SIK3: variants seen among roughly 807,000 people sequenced by gnomAD.
SIK3 encodes the protein serine/threonine-protein kinase SIK3.
In SIK3, 28 loss-of-function variants were observed where a neutral mutation model predicts 144.2. That is an observed-to-expected ratio of 0.19 (90% CI 0.14 to 0.27). The LOEUF is 0.27. Among genes scored for constraint, SIK3 ranks in the 10% least tolerant of loss-of-function variants. The probability of loss-of-function intolerance (pLI) is 1.00; values close to 1 mark genes in which losing one functional copy is unlikely to be tolerated. For synonymous variants in SIK3, 686 were observed against 676.3 expected (o/e 1.01, Z -0.22); for missense variants, 1,319 against 1,776.0 (o/e 0.74, Z 4.62).
chr11:117,019,225 GCC>G (rs1268011449), intron 1 of SIK3, among the ~76,000 whole-genome samples: 7 of 151,708 alleles, frequency 4.6e-5, no homozygotes, highest in South Asian at 2.1e-4. Flanking sequence ...TCACCGTGTT[GCC>G]CAGGCTGGTC....
intron 1 of SIK3, among the ~76,000 whole-genome samples, chr11:117,078,344 C>T (rs1565622237): frequency 6.6e-6 from 1 of 151,972 alleles, no homozygotes; most frequent in Non-Finnish European, 1.5e-5. Context: ...ATACTGCATG[C>T]CACAGGAAGG....
intron 19 of SIK3, among the ~76,000 whole-genome samples, chr11:116,860,088 T>TA (rs1259596867): frequency 6.6e-6 from 1 of 151,918 alleles, no homozygotes; most frequent in Non-Finnish European, 1.5e-5. Flanking sequence ...CTACTAAAAA[T>TA]ACAAAAATTA....
intron 1 of SIK3, among the ~76,000 whole-genome samples, chr11:116,973,721 T>C (rs1949845916): frequency 6.6e-6 from 1 of 152,190 alleles, no homozygotes; most frequent in Admixed American, 6.5e-5. Context: ...TGGTATGATG[T>C]GATGAAAATG....
chr11:116,846,401 C>G lies in SIK3; in HGVS notation c.4105G>C (p.Val1369Leu). Residue 1369 changes from valine to leucine, a missense_variant, in exon 24 of 25, where the codon GTG becomes CTG. Val to Leu is a conservative substitution (Grantham distance 32, BLOSUM62 1). Around this residue, in one of 8 missense-constraint regions of SIK3, gnomAD observed 646 missense variants for 763.7 expected, o/e 0.85. Transcript: ENST00000445177. This position sits in a 1 kb window ranked among gnomAD's most constrained non-coding sequence, Gnocchi z 4.1. Reference sequence around the variant, plus strand: ...CACTCACTCTCTGTTTCTTGTTACACGCCTGCCTGCTCCATGCTGAAGGAG... The same window carrying G: ...CACTCACTCTCTGTTTCTTGTTACAGGCCTGCCTGCTCCATGCTGAAGGAG... ...EVSFSMEQAGV is the reference protein window; with the variant it reads ...EVSFSMEQAGL 1 of 1,614,016 alleles carries G rather than the reference C, an allele frequency of 6.2e-7. No homozygotes were observed. The highest frequency in any genetic ancestry group is 8.5e-7 in the Non-Finnish European group (1 of 1,179,970).
chr11:117,024,137 C>T (rs544857859), intron 1 of SIK3, among the ~76,000 whole-genome samples: 2 of 152,204 alleles, frequency 1.3e-5, no homozygotes, highest in African/African-American at 4.8e-5. Context: ...CCTCTAAAAA[C>T]AAGGGTACAT....
At chr11:116,931,707 T>C (rs916856429) in intron 3 of SIK3, among the ~76,000 whole-genome samples, 1 of 152,248 alleles carries the variant, frequency 6.6e-6, no homozygotes, top group Non-Finnish European at 1.5e-5. Flanking sequence ...TAGTAGTTCT[T>C]TGCTTTGCCA....
At chr11:117,025,912 G>A (rs1294087835) in intron 1 of SIK3, among the ~76,000 whole-genome samples, 1 of 151,996 alleles carries the variant, frequency 6.6e-6, no homozygotes, top group Admixed American at 6.6e-5. Flanking sequence ...TGTAACACTT[G>A]TGTTCAATAC....
chr11:117,033,610 G>A (rs1339580294), intron 1 of SIK3, among the ~76,000 whole-genome samples: 20 of 151,710 alleles, frequency 1.3e-4, no homozygotes, highest in African/African-American at 4.8e-4. Context: ...TCAGGAGGCT[G>A]AGGCAGGAGA....
At chr11:116,964,608 C>T (rs142033000) in intron 1 of SIK3, among the ~76,000 whole-genome samples, 39 of 152,238 alleles carry the variant, frequency 2.6e-4, no homozygotes, top group African/African-American at 8.9e-4. Flanking sequence ...ACTCCAGGCA[C>T]GGTGGCTCAT....
chr11:116,860,065 C>T (rs535641285), intron 19 of SIK3, among the ~76,000 whole-genome samples: 17 of 152,104 alleles, frequency 1.1e-4, no homozygotes, highest in South Asian at 1.0e-3. Flanking sequence ...GCCACCATGG[C>T]GAAACCCTGT....
At chr11:116,958,421 G>A (rs1024092015) in intron 1 of SIK3, among the ~76,000 whole-genome samples, 5 of 152,192 alleles carry the variant, frequency 3.3e-5, no homozygotes, top group African/African-American at 9.7e-5. Flanking sequence ...CATGCCTAAC[G>A]AGGGAGTGTG....
At chr11:117,077,531 C>T (rs890959193) in intron 1 of SIK3, among the ~76,000 whole-genome samples, 1 of 152,136 alleles carries the variant, frequency 6.6e-6, no homozygotes, top group African/African-American at 2.4e-5. Context: ...TGGAAAAAAT[C>T]TTCAGTCAAA....
chr11:116,947,767 G>A (rs1466119862), intron 3 of SIK3, among the ~76,000 whole-genome samples: 7 of 151,372 alleles, frequency 4.6e-5, no homozygotes, highest in Admixed American at 2.0e-4. Context: ...GGGTTTCACC[G>A]TGTTAGCCAG....
chr11:117,049,200 T>A (rs557659128), intron 1 of SIK3, among the ~76,000 whole-genome samples: 47 of 152,308 alleles, frequency 3.1e-4, no homozygotes, highest in African/African-American at 1.1e-3. Flanking sequence ...TAATAATATA[T>A]TTATAAAAAG....
At chr11:116,919,246 T>A (rs1946831923) in intron 4 of SIK3, among the ~76,000 whole-genome samples, 1 of 152,196 alleles carries the variant, frequency 6.6e-6, no homozygotes, top group South Asian at 2.1e-4. Context: ...TCTCAGTATA[T>A]TCATACTAAG....
At chr11:116,899,196 C>T (rs569344713) in intron 4 of SIK3, among the ~76,000 whole-genome samples, 30 of 152,134 alleles carry the variant, frequency 2.0e-4, no homozygotes, top group Non-Finnish European at 3.7e-4. Flanking sequence ...ATATGGCTAG[C>T]CAGTTTTCCC....
chr11:116,972,086 CA>C (rs35775477), intron 1 of SIK3, among the ~76,000 whole-genome samples: 36,214 of 111,824 alleles, frequency 0.32, 4,390 homozygotes, highest in Middle Eastern at 0.4. Context: ...GACTCGGTCT[CA>C]AAAAAAAAAA....
At chr11:117,016,114 C>T (rs919968486) in intron 1 of SIK3, 2 of 151,808 alleles carry the variant, frequency 1.3e-5, no homozygotes, top group Admixed American at 1.3e-4. Context: ...TCACTTGAGG[C>T]CAGGAGTTCA....
chr11:117,067,175 A>G (rs777493311), intron 1 of SIK3, among the ~76,000 whole-genome samples: 1 of 152,212 alleles, frequency 6.6e-6, no homozygotes, highest in Non-Finnish European at 1.5e-5. Context: ...ATTCCACTGT[A>G]AGGTATTTAC....
Sources: gnomAD v4.1 joint callset for allele counts (sites outside exome capture counted in the v4.1 genomes callset) on GRCh38, gnomAD v4.1.1 for gene constraint, gnomAD v4.1.1 regional missense constraint, Gnocchi (gnomAD v3.1) non-coding constraint, MANE v1.5 for transcripts, NCBI Gene and HGNC (gene_info 2026-07-23, HGNC 2026-07-21) for gene names.